Variants in KMT5A observed in about 807,000 individuals in gnomAD.
KMT5A encodes the protein N-lysine methyltransferase KMT5A.
In KMT5A, 6 loss-of-function variants were observed where a neutral mutation model predicts 40.6. The ratio of observed to expected loss-of-function variants is 0.15; its 90% CI spans 0.08 to 0.29. The LOEUF (loss-of-function observed/expected upper bound fraction) is 0.29. KMT5A is among the 10% of genes least tolerant of loss of function. KMT5A has a pLI of 1.00. For missense variants in KMT5A, 308 were observed against 459.1 expected, an observed-to-expected ratio of 0.67 and a Z score of 3.01; for synonymous variants, 153 against 178.8, an observed-to-expected ratio of 0.86 and a Z score of 1.15.
intron 5 of KMT5A, among the ~76,000 whole-genome samples, chr12:123,401,706 T>C (rs1878195771): frequency 6.6e-6 from 1 of 151,838 alleles, no homozygotes; most frequent in South Asian, 2.1e-4. Flanking sequence ...CTCAGCCTCC[T>C]GAGTAGCCGG....
At chr12:123,396,583 C>A (rs1299145728) in intron 5 of KMT5A, 151 bp downstream of exon 5, 7 of 689,530 alleles carry the variant, frequency 1.0e-5, no homozygotes, top group Non-Finnish European at 1.7e-5. Flanking sequence ...TCTCCTGGAT[C>A]TATCGGGGAT....
intron 5 of KMT5A, among the ~76,000 whole-genome samples, chr12:123,403,278 G>T (rs901916112): frequency 2.6e-5 from 4 of 152,242 alleles, no homozygotes; most frequent in Non-Finnish European, 5.9e-5. Flanking sequence ...TTAACGTGCT[G>T]CATGGGCAAC....
chr12:123,392,351 G>A (rs1162924509), intron 3 of KMT5A, among the ~76,000 whole-genome samples: 3 of 152,108 alleles, frequency 2.0e-5, no homozygotes, highest in African/African-American at 7.2e-5. Flanking sequence ...TTACTAAATG[G>A]CCATGATTAG....
rs1877607410 is a variant in KMT5A, at chr12:123,395,134, C to T, written c.377C>T (p.Pro126Leu). ...GACGCCAGGAAAGGTCCCCTGGTAC[C>T]TTTTCCAAACCAAAAATCTGAAGCA... ...IKDARKGPLV[P>L]FPNQKSEAAE... The change falls in exon 4 of 8, where the codon CCT becomes CTT. Residue 126 changes from proline to leucine, a missense_variant. Physicochemically the swap from Pro to Leu is moderately conservative, Grantham distance 98 (BLOSUM62 -3). This residue lies in a region of KMT5A where 127 missense variants were observed against 129.8 expected (regional missense o/e 0.98). Coordinates refer to ENST00000402868, the MANE Select transcript of KMT5A (RefSeq NM_020382.7). 1 of 1,608,356 alleles carries T rather than the reference C, an allele frequency of 6.2e-7. No homozygotes were observed. Among genetic ancestry groups the T allele is most frequent in the African/African-American group, 1.3e-5 (1 of 74,818 alleles).
rs781497405 is a variant in KMT5A at position 123,407,683 on chromosome 12, C to T, written c.1039C>T (p.His347Tyr). ...GDRSKASIEA[H>Y]PWLKH is the part of the protein sequence containing the mutation. Reference sequence around the variant, plus strand: ...CCGCAGCAAGGCTTCCATTGAAGCCCACCCGTGGCTGAAGCATTAACCGGT... The same window carrying T: ...CCGCAGCAAGGCTTCCATTGAAGCCTACCCGTGGCTGAAGCATTAACCGGT... Residue 347 changes from histidine (H) to tyrosine (Y), a missense_variant, in exon 8 of 8, where the codon CAC (histidine) becomes TAC (tyrosine). Physicochemically the swap from His to Tyr is moderately conservative, Grantham distance 83 (BLOSUM62 2). Coordinates refer to ENST00000402868, the MANE Select transcript of KMT5A (RefSeq NM_020382.7). 1.1e-5 allele frequency: 17 copies of T among 1,613,212 alleles called. No individual in the cohort carries two copies. The highest frequency in any genetic ancestry group is 1.7e-5 in the Admixed American group (1 of 59,870).
chr12:123,390,840 C>T (rs1364310009), intron 3 of KMT5A, 54 bp downstream of exon 3: 3 of 1,587,544 alleles, frequency 1.9e-6, no homozygotes, highest in East Asian at 2.2e-5. Context: ...TTGCAGAAGC[C>T]TCTGTCCTCT....
At chr12:123,403,467 G>A (rs1878326153) in intron 5 of KMT5A, 106 bp from the exon 6 acceptor site, 4 of 1,221,916 alleles carry the variant, frequency 3.3e-6, no homozygotes, top group East Asian at 4.7e-5. Context: ...GAGGCCGATT[G>A]TGGCCCGGTG....
chr12:123,398,816 T>C (rs1338262889), intron 5 of KMT5A, among the ~76,000 whole-genome samples: 1 of 152,226 alleles, frequency 6.6e-6, no homozygotes, highest in Admixed American at 6.5e-5. Context: ...AGTCCTGACT[T>C]GACTGCCATG....
chr12:123,396,440 C>T lies in KMT5A; in HGVS notation c.597+8C>T, dbSNP rs1355463790. ...AGCAAAGCCGAGCTGCAGGTAGTCA[C>T]GTGCTTTAAATTCCAGTTTGTGGAG... is the stretch of plus-strand genomic sequence containing the variant. On this transcript the variant is annotated splice_region_variant and intron_variant, in intron 5 of 7. Coordinates refer to ENST00000402868, the MANE Select transcript of KMT5A (RefSeq NM_020382.7). The T allele has an allele frequency of 3.7e-6, 6 of 1,613,826 alleles. No individual in the cohort carries two copies. The highest frequency in any genetic ancestry group is 3.3e-5 in the South Asian group (3 of 91,074).
intron 5 of KMT5A, among the ~76,000 whole-genome samples, chr12:123,401,773 G>T (rs1456109167): frequency 3.3e-5 from 5 of 152,030 alleles, no homozygotes; most frequent in Non-Finnish European, 5.9e-5. Flanking sequence ...GTAGAGACGG[G>T]GTTTCGCCAT....
chr12:123,386,834 G>T (rs540018241), intron 1 of KMT5A, among the ~76,000 whole-genome samples: 3 of 151,808 alleles, frequency 2.0e-5, no homozygotes, highest in East Asian at 1.9e-4. Context: ...AGCACCTGGT[G>T]GGGGGGTCTC....
intron 7 of KMT5A, 52 bp downstream of exon 7, chr12:123,405,126 G>T: frequency 2.0e-6 from 3 of 1,501,678 alleles, no homozygotes; most frequent in Non-Finnish European, 2.7e-6. Context: ...GCAGTGAGGA[G>T]AGGCCAAAGG....
chr12:123,389,971 C>A, intron 2 of KMT5A: 1 of 445,482 alleles, frequency 2.2e-6, no homozygotes, highest in Middle Eastern at 3.5e-4. Flanking sequence ...CCCGCAGTGA[C>A]CTGAACCGCC....
chr12:123,389,322 AT>A (rs1877091895), intron 1 of KMT5A, 110 bp from the exon 2 acceptor site: 1 of 691,416 alleles, frequency 1.4e-6, no homozygotes, highest in Non-Finnish European at 1.8e-6. Context: ...GCCTCGAAAT[AT>A]GGCTGCGGCG....
intron 6 of KMT5A, 61 bp downstream of exon 6, chr12:123,403,693 T>C (rs1371770953): frequency 3.1e-6 from 5 of 1,602,452 alleles, no homozygotes; most frequent in African/African-American, 1.3e-5. Context: ...CCTTCCCTGG[T>C]CCCGTGGCTG....
chr12:123,405,502 A>G (rs958066808), intron 7 of KMT5A, among the ~76,000 whole-genome samples: 1 of 133,796 alleles, frequency 7.5e-6, no homozygotes, highest in African/African-American at 2.8e-5. Context: ...CTGTGATGCA[A>G]TTATCGCCTG....
intron 5 of KMT5A, among the ~76,000 whole-genome samples, chr12:123,399,886 C>T (rs1357368318): frequency 1.3e-5 from 2 of 152,194 alleles, no homozygotes; most frequent in African/African-American, 2.4e-5. Flanking sequence ...TGCAATGGCG[C>T]GATCTTGGCT....
chr12:123,385,878 A>G (rs1463899077), intron 1 of KMT5A, among the ~76,000 whole-genome samples: 2 of 152,068 alleles, frequency 1.3e-5, no homozygotes, highest in Non-Finnish European at 2.9e-5. Flanking sequence ...ACAATAACAA[A>G]ATAATAATAA....
At chr12:123,401,786 T>C (rs1180432141) in intron 5 of KMT5A, among the ~76,000 whole-genome samples, 1 of 152,174 alleles carries the variant, frequency 6.6e-6, no homozygotes, top group Non-Finnish European at 1.5e-5. Flanking sequence ...TTCGCCATGT[T>C]GGCCAGGCTG....
Sources: gnomAD v4.1 joint callset for allele counts (sites outside exome capture counted in the v4.1 genomes callset) on GRCh38, gnomAD v4.1.1 for gene constraint, gnomAD v4.1.1 regional missense constraint, MANE v1.5 for transcripts, NCBI Gene and HGNC (gene_info 2026-07-23, HGNC 2026-07-21) for gene names.